The following PPARGC1A variants were observed in gnomAD, a reference collection of about 807,000 sequenced individuals.
PPARGC1A encodes PPARG coactivator 1 alpha, also known as peroxisome proliferator-activated receptor gamma coactivator 1-alpha.
A neutral mutation model predicts 88.7 loss-of-function variants in PPARGC1A; 25 were observed. The ratio of observed to expected loss-of-function variants is 0.28; its 90% CI spans 0.21 to 0.39. The LOEUF (loss-of-function observed/expected upper bound fraction) is 0.39, where lower values mean the gene tolerates loss of function less well. Among genes scored for constraint, PPARGC1A ranks in the 10% least tolerant of loss-of-function variants. The pLI is 1.00. For missense variants in PPARGC1A, 880 were observed against 968.7 expected (o/e 0.91, Z 1.22); for synonymous variants, 363 against 355.6 (o/e 1.02, Z -0.24).
the PPARGC1A span, among the ~76,000 whole-genome samples, chr4:23,958,925 T>G: frequency 1.3e-5 from 2 of 151,982 alleles, no homozygotes; most frequent in Non-Finnish European, 2.9e-5. Flanking sequence ...AAGGGCTTAT[T>G]CATATTGACA....
the PPARGC1A span, among the ~76,000 whole-genome samples, chr4:24,323,292 C>T: frequency 2.6e-5 from 4 of 152,214 alleles, no homozygotes; most frequent in East Asian, 5.8e-4. Context: ...AATGTCAGGC[C>T]TCTGAGCCCA....
chr4:24,332,479 A>T, the PPARGC1A span, among the ~76,000 whole-genome samples: 1 of 152,222 alleles, frequency 6.6e-6, no homozygotes. Context: ...AACAGAGTAA[A>T]TCCTCAATAA....
chr4:23,927,209 T>C, the PPARGC1A span, among the ~76,000 whole-genome samples: 2 of 152,192 alleles, frequency 1.3e-5, no homozygotes, highest in Admixed American at 6.5e-5. Flanking sequence ...GTACTGAAAG[T>C]GAAAAACAGA....
At chr4:24,080,374 T>C in the PPARGC1A span, among the ~76,000 whole-genome samples, 1 of 151,990 alleles carries the variant, frequency 6.6e-6, no homozygotes. Context: ...AAGTTAGTTA[T>C]TAATTTTTAT....
chr4:24,411,757 G>A, the PPARGC1A span, among the ~76,000 whole-genome samples: 4 of 152,006 alleles, frequency 2.6e-5, no homozygotes, highest in African/African-American at 9.7e-5. Flanking sequence ...TCATATAGTT[G>A]GAATCACAGA....
chr4:23,906,547 C>T (rs1360965280), upstream of PPARGC1A, among the ~76,000 whole-genome samples: 1 of 137,912 alleles, frequency 7.3e-6, no homozygotes, highest in Non-Finnish European at 1.5e-5. Flanking sequence ...GTGGAGGTTG[C>T]AGTGGGCCTT....
the PPARGC1A span, among the ~76,000 whole-genome samples, chr4:24,044,002 A>G: frequency 1.8e-4 from 28 of 152,316 alleles, no homozygotes; most frequent in East Asian, 5.4e-3. Context: ...TATATCATCC[A>G]TGTAGATCAA....
intron 7 of PPARGC1A, among the ~76,000 whole-genome samples, chr4:23,815,063 C>G (rs536369617): frequency 6.7e-6 from 1 of 150,152 alleles, no homozygotes; most frequent in Admixed American, 6.6e-5. Flanking sequence ...GCAAGCAGCT[C>G]AGGGGTCTTT....
At chr4:24,247,667 A>AAAAGT in the PPARGC1A span, among the ~76,000 whole-genome samples, 1 of 152,352 alleles carries the variant, frequency 6.6e-6, no homozygotes, top group Admixed American at 6.5e-5. Flanking sequence ...GGTAGTTGCC[A>AAAAGT]GGATTGGCTG....
chr4:23,970,391 A>T, the PPARGC1A span, among the ~76,000 whole-genome samples: 2 of 152,132 alleles, frequency 1.3e-5, no homozygotes, highest in South Asian at 2.1e-4. Context: ...GAACCTTGCA[A>T]CTCTGAGTGC....
the PPARGC1A span, among the ~76,000 whole-genome samples, chr4:24,263,979 G>A: frequency 3.3e-5 from 5 of 151,874 alleles, no homozygotes; most frequent in Non-Finnish European, 5.9e-5. Flanking sequence ...TGTACCCCCC[G>A]GGCTCAAGTG....
chr4:24,370,008 G>A, the PPARGC1A span, among the ~76,000 whole-genome samples: 7 of 152,184 alleles, frequency 4.6e-5, no homozygotes, highest in Non-Finnish European at 8.8e-5. Flanking sequence ...GGCTTGGCTT[G>A]GGGATAATAA....
chr4:24,369,295 C>T, the PPARGC1A span, among the ~76,000 whole-genome samples: 1 of 152,060 alleles, frequency 6.6e-6, no homozygotes, highest in Non-Finnish European at 1.5e-5. Context: ...AACAGCTTCC[C>T]ACCTCATGTT....
chr4:24,393,633 A>G, the PPARGC1A span, among the ~76,000 whole-genome samples: 1 of 152,204 alleles, frequency 6.6e-6, no homozygotes, highest in Non-Finnish European at 1.5e-5. Flanking sequence ...ATTAAGGAAC[A>G]GCATGGGCAA....
At chr4:23,907,925 C>T (rs1720247909), upstream of PPARGC1A, among the ~76,000 whole-genome samples, 1 of 152,072 alleles carries the variant, frequency 6.6e-6, no homozygotes, top group African/African-American at 2.4e-5. Flanking sequence ...CTGTGGGTGC[C>T]TTGCGCACAT....
chr4:24,255,627 A>T, the PPARGC1A span, among the ~76,000 whole-genome samples: 1 of 152,206 alleles, frequency 6.6e-6, no homozygotes, highest in Non-Finnish European at 1.5e-5. Context: ...GTATTTTCTC[A>T]ACGTAAATTT....
the PPARGC1A span, among the ~76,000 whole-genome samples, chr4:24,323,869 C>T: frequency 2.0e-5 from 3 of 152,196 alleles, no homozygotes; most frequent in Non-Finnish European, 2.9e-5. Context: ...ATCCGGTAAG[C>T]GGCCTCTTTT....
At chr4:24,379,101 T>A in the PPARGC1A span, among the ~76,000 whole-genome samples, 2 of 152,194 alleles carry the variant, frequency 1.3e-5, no homozygotes, top group Non-Finnish European at 2.9e-5. Flanking sequence ...CAAAGCTTTA[T>A]CATATTAAAA....
chr4:24,396,127 T>C, the PPARGC1A span, among the ~76,000 whole-genome samples: 1 of 151,998 alleles, frequency 6.6e-6, no homozygotes, highest in East Asian at 1.9e-4. Flanking sequence ...GGGTCCTTGG[T>C]CATCAGGGTG....
Sources: allele counts gnomAD v4.1 joint callset (sites outside exome capture counted in the v4.1 genomes callset), GRCh38; gene constraint gnomAD v4.1.1; transcripts MANE v1.5; gene names NCBI Gene and HGNC (gene_info 2026-07-23, HGNC 2026-07-21).